Variants in ZFHX4 observed in about 807,000 individuals in gnomAD.
ZFHX4 encodes zinc finger homeobox protein 4.
In ZFHX4, 56 loss-of-function variants were observed where a neutral mutation model predicts 267.6. The ratio of observed to expected loss-of-function variants is 0.21; its 90% CI spans 0.17 to 0.26. The LOEUF (loss-of-function observed/expected upper bound fraction) is 0.26. Among genes scored for constraint, ZFHX4 ranks in the 10% least tolerant of loss-of-function variants. The pLI, the probability that ZFHX4 is intolerant of heterozygous loss-of-function variation, is 1.00. For synonymous variants in ZFHX4, 1,778 were observed against 1,665.6 expected (o/e 1.07, Z -1.64); for missense variants, 4,332 against 4,420.0 (o/e 0.98, Z 0.56).
At position 76,704,992 on chromosome 8, in the gene ZFHX4, C is replaced by T. The variant is rs1386508105; in HGVS notation, c.904C>T (p.Arg302Trp). The T allele has an allele frequency of 1.2e-6, 2 of 1,613,772 alleles. No individual in the cohort carries two copies. The highest frequency in any genetic ancestry group is 1.7e-6 in the Non-Finnish European group (2 of 1,179,814). The part of the protein sequence containing the change: ...SFVTHAVHDH[R>W]MTLNDEEQKL... ...TGTAACCCATGCTGTGCATGATCAT[C>T]GGATGACCCTCAATGACGAGGAGCA... The change falls in exon 2 of 11, where the codon CGG (arginine) becomes TGG (tryptophan). Residue 302 changes from arginine to tryptophan, a missense_variant. Arg to Trp is a moderately radical substitution (Grantham distance 101). Transcript: ENST00000651372.
chr8:76,732,568 T>G (rs1462043010), intron 3 of ZFHX4, among the ~76,000 whole-genome samples: 1 of 152,152 alleles, frequency 6.6e-6, no homozygotes, highest in Admixed American at 6.6e-5. Flanking sequence ...GCCTCTAACT[T>G]GGCCATAACT....
chr8:76,791,025 A>C (rs1483870268), intron 4 of ZFHX4, among the ~76,000 whole-genome samples: 1 of 152,140 alleles, frequency 6.6e-6, no homozygotes, highest in Non-Finnish European at 1.5e-5. Flanking sequence ...AAAGCAAAAA[A>C]CTTTCAATAA....
chr8:76,855,220 C>A lies in ZFHX4; in HGVS notation c.8299C>A (p.Leu2767Ile). The part of the protein sequence containing the change: ...SKTAELSPKN[L>I]LSPSSFKAEC... ...AACAGCAGAGCTGTCACCGAAGAATCTTTTAAGCCCTTCTTCTTTTAAAGC... is the reference window on the plus strand; with the variant it reads ...AACAGCAGAGCTGTCACCGAAGAATATTTTAAGCCCTTCTTCTTTTAAAGC... The change falls in exon 10 of 11, where the codon CTT becomes ATT. Residue 2767 changes from leucine (L) to isoleucine (I), a missense_variant. This residue lies in a region of ZFHX4 where 1,648 missense variants were observed against 1,625.0 expected (regional missense o/e 1.01). Transcript: ENST00000651372. 1.2e-6 allele frequency: 2 copies of A among 1,612,228 alleles called. No homozygotes were observed. The highest frequency in any genetic ancestry group is 2.2e-5 in the South Asian group (2 of 90,794).
intron 4 of ZFHX4, among the ~76,000 whole-genome samples, chr8:76,804,703 T>A (rs191023240): frequency 1.6e-4 from 24 of 150,602 alleles, no homozygotes; most frequent in Admixed American, 6.7e-4. Context: ...AATTAATTAA[T>A]TATGTTTGTT....
intron 6 of ZFHX4, among the ~76,000 whole-genome samples, chr8:76,846,409 C>T (rs537781001): frequency 1.1e-4 from 17 of 152,084 alleles, no homozygotes; most frequent in South Asian, 4.1e-4. Flanking sequence ...TTAGGAGGCT[C>T]CTGGCTTATA....
chr8:76,729,998 G>GA, intron 3 of ZFHX4, among the ~76,000 whole-genome samples: 1 of 152,252 alleles, frequency 6.6e-6, no homozygotes. Flanking sequence ...GTAACTGGGA[G>GA]AAAAAAATTT....
At position 76,763,433 on chromosome 8, in the gene ZFHX4, G is replaced by A. The variant is rs574489278; in HGVS notation, c.3094-14775G>A. Among the ~76,000 whole-genome samples the A allele has an allele frequency of 9.2e-5, 14 of 152,240 alleles. No individual in the cohort carries two copies. The South Asian group carries it at 1.9e-3, about 20-fold the overall frequency. ...AGCCTAGGAGTTGGAGATCAGGCTG[G>A]GCAATGTGGTAAAACCCTGTCTCTA... On this transcript the variant is annotated intron_variant, in intron 3 of 10. Transcript: ENST00000651372.
In ZFHX4 at chr8:76,799,650, G is replaced by T. The variant is rs151259294; in HGVS notation, c.3325+21211G>T. 2.6e-5 allele frequency among the ~76,000 whole-genome samples: 4 copies of T among 152,166 alleles called. No individual in the cohort carries two copies. The East Asian group carries it at 7.7e-4, about 29-fold the overall frequency. On this transcript the variant is annotated intron_variant, in intron 4 of 10. Coordinates refer to ENST00000651372, the MANE Select transcript of ZFHX4 (RefSeq NM_024721.5). Reference sequence around the variant, plus strand: ...ACAGGATTCTCTCTCACACATACTCGAGTGTTTACTAAGTGGTATTTTGAT... The same window carrying T: ...ACAGGATTCTCTCTCACACATACTCTAGTGTTTACTAAGTGGTATTTTGAT...
At chr8:76,697,948 A>G (rs1028908946) in intron 1 of ZFHX4, among the ~76,000 whole-genome samples, 1 of 149,852 alleles carries the variant, frequency 6.7e-6, no homozygotes, top group Non-Finnish European at 1.5e-5. Context: ...TAAAGACAGG[A>G]AAAAAAAGTC....
intron 3 of ZFHX4, among the ~76,000 whole-genome samples, chr8:76,720,865 G>T (rs1322443316): frequency 1.3e-5 from 2 of 152,090 alleles, no homozygotes; most frequent in Non-Finnish European, 1.5e-5. Context: ...GGAAACTAAG[G>T]CAATGAAATC....
rs189837552 is a variant in ZFHX4 at position 76,861,155 on chromosome 8, G to A, written c.9380-1939G>A. 3.9e-4 allele frequency among the ~76,000 whole-genome samples: 60 copies of A among 152,194 alleles called. 1 individual carries two copies. In the East Asian group the frequency reaches 0.011, roughly 28 times the overall value. On this transcript the variant is annotated intron_variant, in intron 10 of 10. Coordinates refer to ENST00000651372, the MANE Select transcript of ZFHX4 (RefSeq NM_024721.5). ...ATCTTTATTTAAATTTATTTTTAATGTGTGAGCCATTCTTCAGTAAAATGT... is the reference window on the plus strand; with the variant it reads ...ATCTTTATTTAAATTTATTTTTAATATGTGAGCCATTCTTCAGTAAAATGT...
intron 4 of ZFHX4, among the ~76,000 whole-genome samples, chr8:76,785,069 T>A (rs1365950043): frequency 6.6e-6 from 1 of 152,122 alleles, no homozygotes; most frequent in Non-Finnish European, 1.5e-5. Context: ...TAATATGCTA[T>A]GTTAGTCTAG....
At chr8:76,834,578 C>A (rs749012955) in intron 5 of ZFHX4, 1 of 152,592 alleles carries the variant, frequency 6.6e-6, no homozygotes, top group Admixed American at 6.5e-5. Flanking sequence ...GGTCTTTGGC[C>A]AATTTTTTAA....
intron 4 of ZFHX4, among the ~76,000 whole-genome samples, chr8:76,815,391 C>T (rs1811478940): frequency 6.6e-6 from 1 of 152,144 alleles, no homozygotes; most frequent in Non-Finnish European, 1.5e-5. Flanking sequence ...GATCAAGGTG[C>T]CAGCCAATTA....
intron 5 of ZFHX4, among the ~76,000 whole-genome samples, chr8:76,837,266 T>C (rs1812116463): frequency 6.6e-6 from 1 of 151,870 alleles, no homozygotes. Flanking sequence ...AGGATGAAAA[T>C]CACAATTACC....
Position 76,855,607 on chromosome 8 carries a change from G to T in ZFHX4, c.8686G>T (p.Ala2896Ser). Residue 2896 changes from alanine to serine, a missense_variant, in exon 10 of 11, where the codon GCC becomes TCC. By Grantham distance (99) the Ala-to-Ser change is moderately conservative. Transcript: ENST00000651372. ...FYITDDPDDNADRSETSSIAD... is the reference protein window; with the variant it reads ...FYITDDPDDNSDRSETSSIAD... Reference sequence around the variant, plus strand: ...CATCACAGATGACCCGGATGACAACGCCGACCGCAGCGAAACGTCCAGCAT... The same window carrying T: ...CATCACAGATGACCCGGATGACAACTCCGACCGCAGCGAAACGTCCAGCAT... 6.2e-7 allele frequency: 1 copy of T among 1,613,704 alleles called. No homozygotes were observed. The highest frequency in any genetic ancestry group is 8.5e-7 in the Non-Finnish European group (1 of 1,179,772).
At position 76,863,504 on chromosome 8, in the gene ZFHX4, C is replaced by T; in HGVS notation, c.9790C>T (p.Pro3264Ser). ...PASFIGGQFL[P>S]YFIPGFASYF... is the part of the protein sequence containing the mutation. ...TTCCTTTATAGGCGGACAGTTCTTG[C>T]CATACTTTATCCCTGGGTTTGCTTC... The change falls in exon 11 of 11, where the codon CCA becomes TCA. Residue 3264 changes from proline to serine, a missense_variant. This residue lies in a region of ZFHX4 where 1,648 missense variants were observed against 1,625.0 expected (regional missense o/e 1.01). Coordinates refer to ENST00000651372, the MANE Select transcript of ZFHX4 (RefSeq NM_024721.5). The T allele has an allele frequency of 6.2e-7, 1 of 1,613,572 alleles. No homozygotes were observed. Among genetic ancestry groups the T allele is most frequent in the Non-Finnish European group, 8.5e-7 (1 of 1,179,724 alleles).
At chr8:76,684,858 A>G (rs1366319607) in intron 1 of ZFHX4, among the ~76,000 whole-genome samples, 1 of 152,262 alleles carries the variant, frequency 6.6e-6, no homozygotes, top group African/African-American at 2.4e-5. Context: ...AAGGAGGCTG[A>G]GAAAATCACT....
In ZFHX4 at chr8:76,704,356, C is replaced by A; in HGVS notation, c.268C>A (p.Pro90Thr). 1.2e-6 allele frequency: 2 copies of A among 1,614,014 alleles called. No homozygotes were observed. The highest frequency in any genetic ancestry group is 1.7e-6 in the Non-Finnish European group (2 of 1,179,902). Reference sequence around the variant, plus strand: ...CTGCAACGAATGTGCCACTTCTTTTCCCAGTTTACAGAAATACATGGAACA... The same window carrying A: ...CTGCAACGAATGTGCCACTTCTTTTACCAGTTTACAGAAATACATGGAACA... ...IPCNECATSF[P>T]SLQKYMEHHC... is the part of the protein sequence containing the mutation. The change falls in exon 2 of 11, where the codon CCC (proline) becomes ACC (threonine). Residue 90 changes from proline to threonine, a missense_variant. By Grantham distance (38) the Pro-to-Thr change is conservative. Coordinates refer to ENST00000651372, the MANE Select transcript of ZFHX4 (RefSeq NM_024721.5).
Sources: gnomAD v4.1 joint callset for allele counts (sites outside exome capture counted in the v4.1 genomes callset) on GRCh38, gnomAD v4.1.1 for gene constraint, gnomAD v4.1.1 regional missense constraint, MANE v1.5 for transcripts, NCBI Gene and HGNC (gene_info 2026-07-23, HGNC 2026-07-21) for gene names.